ZNF701: variants seen among roughly 807,000 people sequenced by gnomAD.
ZNF701 encodes the protein zinc finger protein 701.
Under a neutral mutation model 7.1 loss-of-function variants are expected in ZNF701, and 6 were observed. The observed-to-expected ratio is 0.84, with a 90% CI of 0.46 to 1.66. ZNF701 has a LOEUF of 1.66. Ranked by LOEUF, ZNF701 falls within the 40% of genes most tolerant of loss-of-function variation. The pLI is 0.01. For missense variants in ZNF701, 541 were observed against 559.2 expected (o/e 0.97, Z 0.33); for synonymous variants, 166 against 188.2 (o/e 0.88, Z 0.97).
the ZNF701 span, chr19:52,597,419 C>T: frequency 5.8e-6 from 3 of 516,152 alleles, no homozygotes; most frequent in Non-Finnish European, 7.9e-6. Flanking sequence ...TTTGAGATAA[C>T]TGTTCCAAAT....
At chr19:52,591,818 AG>A (rs2060038139), downstream of ZNF701, among the ~76,000 whole-genome samples, 1 of 152,162 alleles carries the variant, frequency 6.6e-6, no homozygotes, top group Non-Finnish European at 1.5e-5. Flanking sequence ...GGCCTCCCAA[AG>A]TACTGGGATT....
chr19:52,578,454 C>T (rs1294759537), intron 3 of ZNF701, among the ~76,000 whole-genome samples: 1 of 152,060 alleles, frequency 6.6e-6, no homozygotes, highest in Non-Finnish European at 1.5e-5. Flanking sequence ...TATCAGCGCA[C>T]CCAGCTGTTT....
chr19:52,581,092 CTGTCCAGTGACAGAGTGAGACTCCA>C (rs2059972380), intron 3 of ZNF701, among the ~76,000 whole-genome samples: 2 of 152,082 alleles, frequency 1.3e-5, no homozygotes, highest in African/African-American at 4.8e-5. Context: ...CCATTGCACT[CTGTCCAGTGACAGAGTGAGACTCCA>C]TCTCAAAAAA....
the ZNF701 span, chr19:52,596,556 G>A: frequency 1.7e-5 from 7 of 401,546 alleles, no homozygotes; most frequent in Non-Finnish European, 3.0e-5. Flanking sequence ...ATGTGGCAAG[G>A]CTTTTAGTAG....
chr19:52,581,797 A>T (rs1305262016), intron 3 of ZNF701, among the ~76,000 whole-genome samples: 1 of 152,166 alleles, frequency 6.6e-6, no homozygotes, highest in Admixed American at 6.5e-5. Flanking sequence ...CCAAAATAGT[A>T]CCTTGTCTGG....
At chr19:52,570,938 A>T (rs1365654147) in intron 1 of ZNF701, 1 of 152,264 alleles carries the variant, frequency 6.6e-6, no homozygotes, top group Non-Finnish European at 1.5e-5. Flanking sequence ...CCTCTCTGGG[A>T]TGCAGGCGTC....
rs141292714 is a variant in ZNF701, at chr19:52,579,770, A to T, written c.143-2432A>T. Among the ~76,000 whole-genome samples, 243 of 139,302 alleles carry T rather than the reference A, an allele frequency of 1.7e-3. 13 individuals carry two copies. The East Asian group carries it at 0.037, about 21-fold the overall frequency. The allele number at this position is 139,302 out of a possible 152,430, so 91.4% of individuals were successfully genotyped here. On this transcript the variant is annotated intron_variant, in intron 3 of 3. Transcript: ENST00000391785. ...GTGGCAGTAATCCCAGCTACTCAGG[A>T]GGCTGAGGCACGAGAGTTGCTTGAA...
At chr19:52,576,398 G>A (rs541519358) in intron 3 of ZNF701, among the ~76,000 whole-genome samples, 3 of 152,034 alleles carry the variant, frequency 2.0e-5, no homozygotes, top group African/African-American at 4.8e-5. Flanking sequence ...AAAATTAGCC[G>A]GGCGTCGTGG....
intron 1 of ZNF701, 70 bp from the exon 2 acceptor site, chr19:52,574,007 A>G (rs1346288563): frequency 7.4e-6 from 11 of 1,496,266 alleles, no homozygotes; most frequent in South Asian, 1.2e-5. Context: ...GCACCTTTGT[A>G]TGTGTCATTG....
chr19:52,572,411 AC>A (rs1167061749), intron 1 of ZNF701: 1 of 1,281,376 alleles, frequency 7.8e-7, no homozygotes, highest in African/African-American at 1.5e-5. Flanking sequence ...TATAAATGTT[AC>A]TGTAATTTTC....
the ZNF701 span, chr19:52,597,176 A>G: frequency 1.4e-5 from 8 of 589,930 alleles, no homozygotes; most frequent in Non-Finnish European, 2.6e-5. Flanking sequence ...AACCTTACAA[A>G]TATCATGACT....
downstream of ZNF701, among the ~76,000 whole-genome samples, chr19:52,591,335 C>T (rs149470199): frequency 6.3e-4 from 96 of 151,870 alleles, no homozygotes; most frequent in East Asian, 5.3e-3. Context: ...TTTCCCCCAC[C>T]GTGCCTAGCA....
the ZNF701 span, among the ~76,000 whole-genome samples, chr19:52,593,687 G>A: frequency 7.1e-5 from 8 of 113,346 alleles, 2 homozygotes; most frequent in Non-Finnish European, 1.5e-4. Context: ...CAGACGGGGT[G>A]GCTGCCAGGC....
chr19:52,589,969 T>C (rs555818158), downstream of ZNF701, among the ~76,000 whole-genome samples: 1 of 152,236 alleles, frequency 6.6e-6, no homozygotes, highest in South Asian at 2.1e-4. Flanking sequence ...AATTGTTATA[T>C]TTTTCATACA....
intron 3 of ZNF701, among the ~76,000 whole-genome samples, chr19:52,580,675 A>G (rs1419883739): frequency 6.6e-6 from 1 of 152,214 alleles, no homozygotes; most frequent in African/African-American, 2.4e-5. Context: ...ATTGTTTACA[A>G]TTCTGCAGGC....
the ZNF701 span, chr19:52,596,765 A>T: frequency 1.9e-6 from 1 of 527,852 alleles, no homozygotes; most frequent in South Asian, 1.4e-5. Context: ...GGCAATTCAT[A>T]CTGGAAAGAA....
chr19:52,586,615 A>C lies in ZNF701; in HGVS notation c.*3158A>C, dbSNP rs1355598188. The C allele has an allele frequency of 6.6e-6, 1 of 152,080 alleles. No individual in the cohort carries two copies. Among genetic ancestry groups the C allele is most frequent in the Non-Finnish European group, 1.5e-5 (1 of 68,036 alleles). 9.4% of individuals were successfully genotyped at this position (152,080 alleles called of 1,614,324 possible). ...CCTGTTGACCCTTCCTGGCCATCAC[A>C]TGAAAATCAGCGACTCTTCCTTCTT... is the stretch of plus-strand genomic sequence containing the variant. On this transcript the variant is annotated 3_prime_UTR_variant, in exon 4 of 4. Coordinates refer to ENST00000391785, the MANE Select transcript of ZNF701 (RefSeq NM_018260.3).
At chr19:52,598,600 T>C in the ZNF701 span, 5 of 152,106 alleles carry the variant, frequency 3.3e-5, no homozygotes, top group African/African-American at 1.2e-4. Flanking sequence ...TGGAGGATAA[T>C]TTCATATTTC....
rs1282635440 is a variant in ZNF701 at position 52,584,549 on chromosome 19, A to G, written c.*1092A>G. ...TCACATTGGCTTATATAATAACAAT[A>G]TTGATTTTTCCAAACCATCAATGTG... On this transcript the variant is annotated 3_prime_UTR_variant, in exon 4 of 4. Coordinates refer to ENST00000391785, the MANE Select transcript of ZNF701 (RefSeq NM_018260.3). The G allele has an allele frequency of 6.6e-6, 1 of 152,234 alleles. No homozygotes were observed. The highest frequency in any genetic ancestry group is 6.5e-5 in the Admixed American group (1 of 15,280). 9.4% of individuals were successfully genotyped at this position (152,234 alleles called of 1,614,324 possible).
Sources: allele counts gnomAD v4.1 joint callset (sites outside exome capture counted in the v4.1 genomes callset), GRCh38; gene constraint gnomAD v4.1.1; transcripts MANE v1.5; gene names NCBI Gene and HGNC (gene_info 2026-07-23, HGNC 2026-07-21).